FBXL7: variants seen among roughly 807,000 people sequenced by gnomAD.
The protein encoded by FBXL7 is F-box/LRR-repeat protein 7.
FBXL7 carries 12 observed loss-of-function variants against 38.3 expected under a neutral mutation model. That is an observed-to-expected ratio of 0.31 (90% CI 0.20 to 0.51). The LOEUF (loss-of-function observed/expected upper bound fraction) is 0.51, where lower values mean the gene tolerates loss of function less well. Among genes scored for constraint, FBXL7 ranks in the 20% least tolerant of loss-of-function variants. The pLI, the probability that FBXL7 is intolerant of heterozygous loss-of-function variation, is 0.98. For synonymous variants in FBXL7, 297 were observed against 300.9 expected (o/e 0.99, Z 0.13); for missense variants, 567 against 676.4 (o/e 0.84, Z 1.79).
intron 2 of FBXL7, among the ~76,000 whole-genome samples, chr5:15,683,324 A>G (rs958720277): frequency 6.6e-6 from 1 of 152,138 alleles, no homozygotes; most frequent in African/African-American, 2.4e-5. Flanking sequence ...TATTCTAGGA[A>G]TTTTGTGGGA....
intron 2 of FBXL7, among the ~76,000 whole-genome samples, chr5:15,866,132 T>C (rs893867444): frequency 4.6e-5 from 7 of 152,230 alleles, no homozygotes; most frequent in African/African-American, 1.7e-4. Flanking sequence ...TATGACAGTT[T>C]TGTTACTGGA....
At chr5:15,732,931 C>T (rs955504375) in intron 2 of FBXL7, among the ~76,000 whole-genome samples, 7 of 151,992 alleles carry the variant, frequency 4.6e-5, no homozygotes, top group Non-Finnish European at 8.8e-5. Context: ...TTATATTATA[C>T]GTTACATATT....
intron 2 of FBXL7, among the ~76,000 whole-genome samples, chr5:15,825,924 AC>A (rs1738298125): frequency 6.6e-6 from 1 of 152,166 alleles, no homozygotes. Context: ...CCAGGAGCAA[AC>A]CCGGGTTTCA....
intron 2 of FBXL7, among the ~76,000 whole-genome samples, chr5:15,854,995 C>A (rs546476098): frequency 6.6e-6 from 1 of 152,166 alleles, no homozygotes; most frequent in African/African-American, 2.4e-5. Context: ...AATGATAAGA[C>A]CAGGGTATTT....
intron 2 of FBXL7, among the ~76,000 whole-genome samples, chr5:15,866,889 AT>A (rs558930776): frequency 5.3e-5 from 8 of 152,116 alleles, no homozygotes; most frequent in Admixed American, 3.9e-4. Flanking sequence ...TATGTACCAC[AT>A]TTTTTTAACC....
At chr5:15,776,779 A>C (rs553665260) in intron 2 of FBXL7, among the ~76,000 whole-genome samples, 1 of 152,118 alleles carries the variant, frequency 6.6e-6, no homozygotes, top group African/African-American at 2.4e-5. Context: ...TTTACCTTAA[A>C]TATTCTTATG....
intron 3 of FBXL7, among the ~76,000 whole-genome samples, chr5:15,932,992 A>G (rs564057286): frequency 6.6e-6 from 1 of 152,186 alleles, no homozygotes; most frequent in Non-Finnish European, 1.5e-5. Context: ...GTCTGGTTGT[A>G]CAAGTCATAT....
At chr5:15,644,387 A>G (rs1267237609) in intron 2 of FBXL7, among the ~76,000 whole-genome samples, 3 of 151,616 alleles carry the variant, frequency 2.0e-5, no homozygotes, top group Admixed American at 1.3e-4. Context: ...AGGCAGGAGA[A>G]TCACTTGAAC....
chr5:15,905,335 G>C (rs1183732611), intron 2 of FBXL7, among the ~76,000 whole-genome samples: 1 of 152,100 alleles, frequency 6.6e-6, no homozygotes, highest in East Asian at 1.9e-4. Flanking sequence ...CATTTTAAAA[G>C]ATGTGGTCTT....
chr5:15,884,566 C>T (rs567807093), intron 2 of FBXL7, among the ~76,000 whole-genome samples: 6 of 152,232 alleles, frequency 3.9e-5, no homozygotes, highest in Non-Finnish European at 7.4e-5. Flanking sequence ...CTGGGAATTA[C>T]AGCCTCAACA....
intron 2 of FBXL7, among the ~76,000 whole-genome samples, chr5:15,857,211 C>T (rs1739297888): frequency 6.6e-6 from 1 of 152,174 alleles, no homozygotes; most frequent in Non-Finnish European, 1.5e-5. Context: ...CTCATCCTTA[C>T]ACCTGTAGAA....
chr5:15,500,829 C>G (rs1030933681), intron 1 of FBXL7, 116 bp downstream of exon 1: 4 of 1,301,202 alleles, frequency 3.1e-6, no homozygotes, highest in Non-Finnish European at 4.3e-6. Context: ...CCATTTGGCA[C>G]CCTGTCTGGG....
intron 1 of FBXL7, among the ~76,000 whole-genome samples, chr5:15,510,175 A>G (rs1379746039): frequency 1.3e-5 from 2 of 152,226 alleles, no homozygotes; most frequent in East Asian, 3.8e-4. Context: ...TAACTGTAGA[A>G]GCCATGAGCA....
intron 2 of FBXL7, among the ~76,000 whole-genome samples, chr5:15,823,300 C>A (rs1034699443): frequency 6.6e-6 from 1 of 152,128 alleles, no homozygotes; most frequent in Non-Finnish European, 1.5e-5. Flanking sequence ...TTTAATCATT[C>A]CCATACTTAA....
intron 2 of FBXL7, among the ~76,000 whole-genome samples, chr5:15,921,253 C>T (rs558408421): frequency 1.8e-4 from 28 of 151,816 alleles, no homozygotes; most frequent in African/African-American, 6.5e-4. Flanking sequence ...TGGTGGTGTG[C>T]GCCTGTAGTC....
chr5:15,731,560 G>T (rs1735585134), intron 2 of FBXL7, among the ~76,000 whole-genome samples: 1 of 151,810 alleles, frequency 6.6e-6, no homozygotes, highest in African/African-American at 2.4e-5. Flanking sequence ...TCAAGGGGAA[G>T]AAAAGAAAAA....
At position 15,573,627 on chromosome 5, in the gene FBXL7, A is replaced by G. The variant is rs533329819; in HGVS notation, c.38-42356A>G. Among the ~76,000 whole-genome samples, 5 of 152,256 alleles carry G rather than the reference A, an allele frequency of 3.3e-5. No individual in the cohort carries two copies. The South Asian group carries it at 1.0e-3, about 32-fold the overall frequency. Reference sequence around the variant, plus strand: ...ATTTTCTTTGTCTTCCTCAGGAAAAAAGATGTTCTTGTTAAGCAGTGACTT... The same window carrying G: ...ATTTTCTTTGTCTTCCTCAGGAAAAGAGATGTTCTTGTTAAGCAGTGACTT... On this transcript the variant is annotated intron_variant, in intron 1 of 3. Transcript: ENST00000504595.
At chr5:15,699,570 T>C (rs1183507817) in intron 2 of FBXL7, among the ~76,000 whole-genome samples, 1 of 152,114 alleles carries the variant, frequency 6.6e-6, no homozygotes, top group East Asian at 1.9e-4. Context: ...AAATGGGAGG[T>C]CACCTTCTGA....
At chr5:15,919,529 G>C (rs528065333) in intron 2 of FBXL7, among the ~76,000 whole-genome samples, 1 of 152,184 alleles carries the variant, frequency 6.6e-6, no homozygotes, top group East Asian at 1.9e-4. Flanking sequence ...ACAAATACTT[G>C]AAAGTATTTT....
Sources: allele counts gnomAD v4.1 joint callset (sites outside exome capture counted in the v4.1 genomes callset), GRCh38; gene constraint gnomAD v4.1.1; transcripts MANE v1.5; gene names NCBI Gene and HGNC (gene_info 2026-07-23, HGNC 2026-07-21).